Variants in ADARB2 observed in about 807,000 individuals in gnomAD.
ADARB2 encodes the protein inactive double-stranded RNA-specific editase B2.
ADARB2 carries 25 observed loss-of-function variants against 62.2 expected under a neutral mutation model. That is an observed-to-expected ratio of 0.40 (90% CI 0.29 to 0.56). The LOEUF (loss-of-function observed/expected upper bound fraction) is 0.56, where lower values mean the gene tolerates loss of function less well. ADARB2 is among the 20% of genes least tolerant of loss of function. The pLI, the probability that ADARB2 is intolerant of heterozygous loss-of-function variation, is 0.43. For synonymous variants in ADARB2, 572 were observed against 500.8 expected, an observed-to-expected ratio of 1.14 and a Z score of -1.90; for missense variants, 1,071 against 1,077.4, an observed-to-expected ratio of 0.99 and a Z score of 0.08.
intron 1 of ADARB2, among the ~76,000 whole-genome samples, chr10:1,392,552 A>G (rs560260643): frequency 7.9e-6 from 1 of 126,158 alleles, no homozygotes; most frequent in East Asian, 2.0e-4. Context: ...CCACGCAGGC[A>G]GGAGGAGGAG....
intron 4 of ADARB2, among the ~76,000 whole-genome samples, chr10:1,267,225 A>C (rs1214159394): frequency 1.3e-5 from 2 of 152,136 alleles, no homozygotes; most frequent in Non-Finnish European, 2.9e-5. Context: ...GAAATATTGG[A>C]TAAAAGATAA....
intron 1 of ADARB2, among the ~76,000 whole-genome samples, chr10:1,555,977 G>T (rs1247629354): frequency 1.3e-5 from 2 of 152,174 alleles, no homozygotes; most frequent in African/African-American, 4.8e-5. Flanking sequence ...TACATGTTGT[G>T]CATGTTAATG....
chr10:1,224,261 G>C (rs553632855), intron 6 of ADARB2, among the ~76,000 whole-genome samples: 1 of 151,868 alleles, frequency 6.6e-6, no homozygotes, highest in South Asian at 2.1e-4. Flanking sequence ...CTGTGGGATC[G>C]GTGGTGATAT....
chr10:1,669,517 GAC>G (rs1834354426), intron 1 of ADARB2, among the ~76,000 whole-genome samples: 1 of 148,130 alleles, frequency 6.8e-6, no homozygotes, highest in Admixed American at 6.7e-5. Context: ...TAGACACACA[GAC>G]ACACTCACAG....
intron 7 of ADARB2, among the ~76,000 whole-genome samples, chr10:1,205,138 C>T (rs1189286352): frequency 6.6e-6 from 1 of 152,218 alleles, no homozygotes; most frequent in Non-Finnish European, 1.5e-5. Context: ...TCCAACCGCC[C>T]CAGCTGATCT....
chr10:1,329,829 G>A (rs884414), intron 3 of ADARB2, among the ~76,000 whole-genome samples: 13,691 of 152,012 alleles, frequency 0.09, 1,005 homozygotes, highest in African/African-American at 0.19. Flanking sequence ...GGACCAGGCA[G>A]GGGTGGTTAT....
chr10:1,706,518 C>G (rs570121987), intron 1 of ADARB2, among the ~76,000 whole-genome samples: 37 of 152,232 alleles, frequency 2.4e-4, no homozygotes, highest in Non-Finnish European at 4.7e-4. Context: ...ATTTCTTCTT[C>G]TCAAGGCAAC....
At chr10:1,480,469 C>T (rs377539286) in intron 1 of ADARB2, among the ~76,000 whole-genome samples, 41 of 152,262 alleles carry the variant, frequency 2.7e-4, no homozygotes, top group South Asian at 1.0e-3. Flanking sequence ...GAGGCCAAGG[C>T]GGGCGGGTCA....
At chr10:1,656,979 G>A (rs1417373427) in intron 1 of ADARB2, among the ~76,000 whole-genome samples, 2 of 145,234 alleles carry the variant, frequency 1.4e-5, no homozygotes, top group Non-Finnish European at 3.0e-5. Flanking sequence ...TCTTCCTAAA[G>A]CAGTGGTACC....
At chr10:1,677,802 C>G (rs1286802470) in intron 1 of ADARB2, among the ~76,000 whole-genome samples, 1 of 152,230 alleles carries the variant, frequency 6.6e-6, no homozygotes, top group Non-Finnish European at 1.5e-5. Flanking sequence ...CAAGGCTGCT[C>G]TGTCTCTGCA....
rs1229712292 is a variant in ADARB2, at chr10:1,675,153, TGCATGGAAGTTCTGGAGGTTTGGGTTCAG to T, written c.100+61869_100+61897del. 2.3e-4 allele frequency: 230 copies of T among 981,958 alleles called. 2 individuals carry two copies. In the African/African-American group the frequency reaches 3.8e-3, roughly 16 times the overall value. 60.8% of individuals were successfully genotyped at this position (981,958 alleles called of 1,614,324 possible). ...TGTTCTGGAGGTTTAGGTTCAGGGA[TGCATGGAAGTTCTGGAGGTTTGGGTTCAG>T]GGATGCATGGAAGTTCTGGAGGTTT... is the stretch of plus-strand genomic sequence containing the variant. On this transcript the variant is annotated intron_variant, in intron 1 of 9. Coordinates refer to ENST00000381312, the MANE Select transcript of ADARB2 (RefSeq NM_018702.4).
At chr10:1,187,525 A>C (rs903117377) in intron 8 of ADARB2, among the ~76,000 whole-genome samples, 2 of 152,248 alleles carry the variant, frequency 1.3e-5, no homozygotes, top group African/African-American at 4.8e-5. Context: ...AGGTCTACAC[A>C]GGACCTCCTG....
chr10:1,658,078 GTCTC>G (rs1012476216), intron 1 of ADARB2, among the ~76,000 whole-genome samples: 46 of 150,896 alleles, frequency 3.0e-4, no homozygotes, highest in African/African-American at 9.8e-4. Flanking sequence ...GTGTCTCTGT[GTCTC>G]TCTGTCTGAT....
intron 1 of ADARB2, among the ~76,000 whole-genome samples, chr10:1,641,390 T>A (rs1301342437): frequency 6.6e-6 from 1 of 152,198 alleles, no homozygotes; most frequent in Non-Finnish European, 1.5e-5. Context: ...TAAAAACAAA[T>A]GATGTGAACA....
At chr10:1,626,472 T>C (rs533876026) in intron 1 of ADARB2, among the ~76,000 whole-genome samples, 9 of 152,264 alleles carry the variant, frequency 5.9e-5, no homozygotes, top group African/African-American at 1.9e-4. Flanking sequence ...CCTCTTGAAC[T>C]CCGGGGCTTC....
intron 1 of ADARB2, among the ~76,000 whole-genome samples, chr10:1,555,230 T>C (rs571111140): frequency 2.0e-5 from 3 of 152,310 alleles, no homozygotes; most frequent in African/African-American, 7.2e-5. Flanking sequence ...CGGATATATA[T>C]CCCAGTAATC....
intron 7 of ADARB2, among the ~76,000 whole-genome samples, chr10:1,213,596 A>G (rs1187216296): frequency 6.6e-6 from 1 of 152,236 alleles, no homozygotes; most frequent in East Asian, 1.9e-4. Flanking sequence ...CTAACCCGGC[A>G]GGTGCTTAGG....
At chr10:1,653,348 T>A (rs1038369037) in intron 1 of ADARB2, among the ~76,000 whole-genome samples, 5 of 152,134 alleles carry the variant, frequency 3.3e-5, no homozygotes, top group African/African-American at 1.2e-4. Flanking sequence ...GAACCTCCCT[T>A]GCTGGTGTCT....
chr10:1,710,615 G>A (rs1834939172), intron 1 of ADARB2, among the ~76,000 whole-genome samples: 2 of 152,198 alleles, frequency 1.3e-5, no homozygotes, highest in African/African-American at 4.8e-5. Flanking sequence ...AGGCTGGCTG[G>A]TAAATCTGGT....
Sources: gnomAD v4.1 joint callset for allele counts (sites outside exome capture counted in the v4.1 genomes callset) on GRCh38, gnomAD v4.1.1 for gene constraint, MANE v1.5 for transcripts, NCBI Gene and HGNC (gene_info 2026-07-23, HGNC 2026-07-21) for gene names.